Variants in ECT2L observed in about 807,000 individuals in gnomAD.
ECT2L encodes epithelial cell transforming 2 like, also known as epithelial cell-transforming sequence 2 oncogene-like.
A neutral mutation model predicts 122.8 loss-of-function variants in ECT2L; 126 were observed. That is an observed-to-expected ratio of 1.03 (90% CI 0.89 to 1.19). ECT2L has a LOEUF of 1.19. Among genes scored for constraint, ECT2L ranks in the 50% most tolerant of loss-of-function variants. ECT2L has a pLI of 0.00. For missense variants in ECT2L, 1,012 were observed against 1,064.1 expected (o/e 0.95, Z 0.68); for synonymous variants, 385 against 381.8 (o/e 1.01, Z -0.10).
chr6:138,825,155 G>A (rs560303207), intron 4 of ECT2L, among the ~76,000 whole-genome samples: 4 of 152,308 alleles, frequency 2.6e-5, no homozygotes, highest in South Asian at 4.1e-4. Context: ...GGAGTCTGAA[G>A]GATGAGTAGG....
At chr6:138,872,271 CT>C (rs1778284014) in intron 13 of ECT2L, among the ~76,000 whole-genome samples, 1 of 152,236 alleles carries the variant, frequency 6.6e-6, no homozygotes, top group African/African-American at 2.4e-5. Context: ...AATTCCTCAT[CT>C]TTTTAGTTCC....
chr6:138,827,544 C>A (rs760482414), intron 4 of ECT2L, among the ~76,000 whole-genome samples: 6 of 150,790 alleles, frequency 4.0e-5, no homozygotes, highest in Admixed American at 6.7e-5. Flanking sequence ...ACCCTTTATA[C>A]CCTGGGTTAT....
intron 4 of ECT2L, among the ~76,000 whole-genome samples, chr6:138,827,038 C>A (rs1401995848): frequency 6.6e-6 from 1 of 152,128 alleles, no homozygotes; most frequent in Non-Finnish European, 1.5e-5. Context: ...GCCAATTAAA[C>A]CTCTCCTCTT....
intron 4 of ECT2L, among the ~76,000 whole-genome samples, chr6:138,832,115 A>G (rs969670452): frequency 1.3e-5 from 2 of 151,672 alleles, no homozygotes; most frequent in Non-Finnish European, 2.9e-5. Context: ...TTTGGTTTCA[A>G]GTTTATTATC....
At chr6:138,872,329 CCTT>C (rs2128402986) in intron 13 of ECT2L, among the ~76,000 whole-genome samples, 1 of 152,360 alleles carries the variant, frequency 6.6e-6, no homozygotes, top group African/African-American at 2.4e-5. Context: ...ACATGCTAGA[CCTT>C]CTGCTAAATC....
Position 138,902,769 on chromosome 6 carries a change from C to A in ECT2L, c.*142C>A. ...AACTAAGATGACCCATAGGATCTTTCCAACTTTTAAACTTTATCACTTGTG... is the reference window on the plus strand; with the variant it reads ...AACTAAGATGACCCATAGGATCTTTACAACTTTTAAACTTTATCACTTGTG... On this transcript the variant is annotated 3_prime_UTR_variant, in exon 22 of 22. Coordinates refer to ENST00000541398, the MANE Select transcript of ECT2L (RefSeq NM_001077706.3). The A allele has an allele frequency of 9.5e-7, 1 of 1,056,518 alleles. No individual in the cohort carries two copies. The highest frequency in any genetic ancestry group is 2.8e-5 in the Admixed American group (1 of 35,268). 65.4% of individuals were successfully genotyped at this position (1,056,518 alleles called of 1,614,324 possible). A position where few individuals can be genotyped will look rare whatever the true frequency, so the allele number is the denominator to read the frequency against.
At chr6:138,883,203 T>C (rs561556379) in intron 16 of ECT2L, among the ~76,000 whole-genome samples, 51 of 152,376 alleles carry the variant, frequency 3.3e-4, no homozygotes, top group African/African-American at 1.2e-3. Context: ...TGTGTATCCT[T>C]GACAAGTTCA....
At chr6:138,886,154 A>C (rs570192076) in intron 18 of ECT2L, among the ~76,000 whole-genome samples, 1 of 152,294 alleles carries the variant, frequency 6.6e-6, no homozygotes, top group African/African-American at 2.4e-5. Context: ...TTTGTTTCTG[A>C]AAGTACTTTC....
At chr6:138,844,373 T>G (rs1211549469) in intron 6 of ECT2L, 39 bp from the exon 7 acceptor site, 2 of 1,601,568 alleles carry the variant, frequency 1.2e-6, no homozygotes, top group East Asian at 4.5e-5. Context: ...GGGAGAAGTA[T>G]GAAGTAATCA....
chr6:138,800,608 T>C (rs1775510134), intron 1 of ECT2L, among the ~76,000 whole-genome samples: 1 of 152,244 alleles, frequency 6.6e-6, no homozygotes. Flanking sequence ...ACCATATGAC[T>C]CATTTAACAT....
chr6:138,892,797 C>A (rs1395248781), intron 20 of ECT2L, among the ~76,000 whole-genome samples: 5 of 152,138 alleles, frequency 3.3e-5, no homozygotes, highest in Non-Finnish European at 7.3e-5. Flanking sequence ...CCAGCCAGCA[C>A]CGCTTATAAC....
intron 20 of ECT2L, among the ~76,000 whole-genome samples, chr6:138,893,835 C>T (rs1216265044): frequency 6.6e-6 from 1 of 152,176 alleles, no homozygotes; most frequent in African/African-American, 2.4e-5. Context: ...CTAGTCCACA[C>T]TTTATCTCTA....
chr6:138,807,247 T>C (rs1178222595), intron 1 of ECT2L, among the ~76,000 whole-genome samples: 1 of 152,128 alleles, frequency 6.6e-6, no homozygotes, highest in East Asian at 1.9e-4. Flanking sequence ...GTGCTAGGAT[T>C]ACAGGCATGA....
At position 138,806,511 on chromosome 6, in the gene ECT2L, C is replaced by CTTTTTTTTTTTTT. The variant is rs57786220; in HGVS notation, c.-243-6320_-243-6308dup. On this transcript the variant is annotated intron_variant, in intron 1 of 21. Transcript: ENST00000541398. ...TCCCCTGTGCAGCTGAAAATTCACG[C>CTTTTTTTTTTTTT]TTTTTTTTTTTTTTTTTTTGAGATG... Among the ~76,000 whole-genome samples the CTTTTTTTTTTTTT allele has an allele frequency of 4.3e-4, 39 of 89,664 alleles. 3 individuals are homozygous for CTTTTTTTTTTTTT. Among genetic ancestry groups the CTTTTTTTTTTTTT allele is most frequent in the Middle Eastern group, 0.011 (1 of 94 alleles). 58.8% of individuals were successfully genotyped at this position (89,664 alleles called of 152,430 possible). A position where few individuals can be genotyped will look rare whatever the true frequency, so the allele number is the denominator to read the frequency against.
chr6:138,886,935 A>G lies in ECT2L; in HGVS notation c.2325+13A>G, dbSNP rs775414836. The G allele has an allele frequency of 3.1e-6, 5 of 1,605,756 alleles. No homozygotes were observed. The South Asian group carries it at 3.3e-5, about 11-fold the overall frequency. ...CTGGGGATGCCCTGTATGTATTCTT[A>G]GGAACTTGCTGTATCTCATGCTCAT... is the stretch of plus-strand genomic sequence containing the variant. On this transcript the variant is annotated intron_variant, in intron 19 of 21. Transcript: ENST00000541398.
intron 1 of ECT2L, among the ~76,000 whole-genome samples, chr6:138,800,383 T>C (rs1775500873): frequency 6.6e-6 from 1 of 152,226 alleles, no homozygotes; most frequent in African/African-American, 2.4e-5. Flanking sequence ...GTTGAGAGTT[T>C]GGTTTTATAC....
chr6:138,881,362 C>T (rs79124184), intron 15 of ECT2L, among the ~76,000 whole-genome samples, 191 bp downstream of exon 15: 2,134 of 151,976 alleles, frequency 0.014, 32 homozygotes, highest in Admixed American at 0.045. Flanking sequence ...GACACCCCTT[C>T]CCCCGTTCAT....
chr6:138,833,452 G>A lies in ECT2L; in HGVS notation c.180-4900G>A, dbSNP rs142115391. ...GTTGGATCCAAAAGCACATTTGTAC[G>A]GCCATCGGTATTTGTCACTTACCAA... On this transcript the variant is annotated intron_variant, in intron 4 of 21. Coordinates refer to ENST00000541398, the MANE Select transcript of ECT2L (RefSeq NM_001077706.3). Among the ~76,000 whole-genome samples the A allele has an allele frequency of 5.6e-3, 856 of 152,130 alleles. 6 individuals carry two copies. The highest frequency in any genetic ancestry group is 6.1e-3 in the Non-Finnish European group (412 of 67,998).
Position 138,860,817 on chromosome 6 carries a change from G to A in ECT2L, c.1199-1810G>A, listed in dbSNP as rs9376381. On this transcript the variant is annotated intron_variant, in intron 10 of 21. Transcript: ENST00000541398. Reference sequence around the variant, plus strand: ...GGTGGTTTGCTGCACTTATCAACCCGTCGTCTAGGTTTTAAGCCCTGCACG... The same window carrying A: ...GGTGGTTTGCTGCACTTATCAACCCATCGTCTAGGTTTTAAGCCCTGCACG... Among the ~76,000 whole-genome samples, 839 of 150,398 alleles carry A rather than the reference G, an allele frequency of 5.6e-3. 38 individuals carry two copies. The East Asian group carries it at 0.097, about 17-fold the overall frequency.
Sources: allele counts gnomAD v4.1 joint callset (sites outside exome capture counted in the v4.1 genomes callset), GRCh38; gene constraint gnomAD v4.1.1; transcripts MANE v1.5; gene names NCBI Gene and HGNC (gene_info 2026-07-23, HGNC 2026-07-21).